Variants in BRWD3 observed in about 807,000 individuals in gnomAD.
BRWD3 encodes the protein bromodomain and WD repeat-containing protein 3.
In BRWD3, 10 loss-of-function variants were observed where a neutral mutation model predicts 149.7. The observed-to-expected ratio is 0.07, with a 90% confidence interval of 0.04 to 0.11. BRWD3 has a LOEUF of 0.11. Ranked by LOEUF, BRWD3 falls within the 10% of genes least tolerant of loss-of-function variation. The pLI is 1.00. For missense variants in BRWD3, 940 were observed against 1,373.2 expected, an observed-to-expected ratio of 0.68 and a Z score of 4.99; for synonymous variants, 504 against 456.7, an observed-to-expected ratio of 1.10 and a Z score of -1.32.
Position 80,789,350 on chromosome X carries a change from T to A in BRWD3, c.430+2504A>T, listed in dbSNP as rs768623056. Among the ~76,000 whole-genome samples, 8 of 112,642 alleles carry A rather than the reference T, an allele frequency of 7.1e-5. No individual in the cohort carries two copies. The East Asian group carries it at 2.2e-3, about 31-fold the overall frequency. ...CTGTTTCCAGGATCTTAATAGATAT[T>A]CTGGAAAGAGTTTCCATGCTTAAAT... is the stretch of plus-strand genomic sequence containing the variant. On this transcript the variant is annotated intron_variant, in intron 6 of 40. Coordinates refer to ENST00000373275, the MANE Select transcript of BRWD3 (RefSeq NM_153252.5).
intron 6 of BRWD3, among the ~76,000 whole-genome samples, chrX:80,765,414 G>T (rs2073847060): frequency 9.0e-6 from 1 of 111,679 alleles, no homozygotes; most frequent in Non-Finnish European, 1.9e-5. Context: ...ATACAAGGCT[G>T]GTGATTAACA....
chrX:80,729,052 G>A, intron 13 of BRWD3, 147 bp from the exon 14 acceptor site: 1 of 499,335 alleles, frequency 2.0e-6, no homozygotes, highest in Admixed American at 3.7e-5. Context: ...ATTCATGAAA[G>A]AAAAAAATAA....
chrX:80,767,122 C>T (rs1043421532), intron 6 of BRWD3, among the ~76,000 whole-genome samples: 7 of 112,084 alleles, frequency 6.2e-5, no homozygotes, highest in African/African-American at 1.9e-4. Context: ...TTGAACTGGG[C>T]GGAGCCCACC....
intron 20 of BRWD3, among the ~76,000 whole-genome samples, chrX:80,712,954 AC>A (rs775433900): frequency 1.0e-5 from 1 of 98,779 alleles, no homozygotes; most frequent in South Asian, 5.0e-4. Flanking sequence ...TCCGCCCGGC[AC>A]CCACCCCGTC....
intron 12 of BRWD3, among the ~76,000 whole-genome samples, chrX:80,731,569 A>C (rs984147687): frequency 9.0e-6 from 1 of 111,377 alleles, no homozygotes; most frequent in Non-Finnish European, 1.9e-5. Flanking sequence ...GCTGTCAAAA[A>C]ATTATTTAAA....
intron 6 of BRWD3, among the ~76,000 whole-genome samples, chrX:80,762,052 T>TA (rs891470908): frequency 5.4e-5 from 6 of 110,746 alleles, no homozygotes; most frequent in South Asian, 7.5e-4. Context: ...ATTCTCAAGA[T>TA]AAAAAAATGC....
chrX:80,741,189 A>T (rs1168336061), intron 8 of BRWD3, among the ~76,000 whole-genome samples: 1 of 110,956 alleles, frequency 9.0e-6, no homozygotes, highest in Non-Finnish European at 1.9e-5. Flanking sequence ...GATAGTTTGC[A>T]GAGAATGATG....
intron 15 of BRWD3, 38 bp downstream of exon 15, chrX:80,724,895 G>T (rs2073196157): frequency 8.3e-7 from 1 of 1,202,058 alleles, no homozygotes; most frequent in Non-Finnish European, 1.1e-6. Context: ...AGAGAAGTTG[G>T]TTTTAATGTG....
At chrX:80,764,240 G>A (rs2073832952) in intron 6 of BRWD3, among the ~76,000 whole-genome samples, 1 of 111,949 alleles carries the variant, frequency 8.9e-6, no homozygotes, top group African/African-American at 3.2e-5. Context: ...ATTAAATTAA[G>A]GCATTAAACT....
chrX:80,706,595 G>A (rs756592599), intron 22 of BRWD3, among the ~76,000 whole-genome samples: 37 of 112,125 alleles, frequency 3.3e-4, no homozygotes, highest in African/African-American at 1.1e-3. Context: ...AAGGTATTCA[G>A]AGACAAAAAC....
chrX:80,684,799 C>T (rs2072499234), intron 36 of BRWD3, among the ~76,000 whole-genome samples: 2 of 110,915 alleles, frequency 1.8e-5, no homozygotes, highest in African/African-American at 6.6e-5. Context: ...GATGGAGTTA[C>T]ATCTGATATT....
chrX:80,770,900 A>G (rs2073936388), intron 6 of BRWD3, among the ~76,000 whole-genome samples: 1 of 112,134 alleles, frequency 8.9e-6, no homozygotes, highest in Non-Finnish European at 1.9e-5. Context: ...CAACTTCAGC[A>G]AAGTCTCAGG....
chrX:80,759,627 T>C (rs990974405), intron 6 of BRWD3, among the ~76,000 whole-genome samples: 1 of 112,169 alleles, frequency 8.9e-6, no homozygotes, highest in Non-Finnish European at 1.9e-5. Context: ...ATAAAATCTA[T>C]GGGTTCTTTC....
At chrX:80,692,224 A>G in intron 28 of BRWD3, 74 bp from the exon 29 acceptor site, 2 of 967,973 alleles carry the variant, frequency 2.1e-6, no homozygotes, top group South Asian at 2.0e-5. Flanking sequence ...ACAATTTTAC[A>G]TGACTTCTTG....
chrX:80,741,592 G>A (rs1365733776), intron 8 of BRWD3, among the ~76,000 whole-genome samples: 1 of 111,593 alleles, frequency 9.0e-6, no homozygotes, highest in Non-Finnish European at 1.9e-5. Context: ...ACTTTTTAAT[G>A]ATTGCCATTC....
chrX:80,788,982 T>C (rs1274769749), intron 6 of BRWD3, among the ~76,000 whole-genome samples: 1 of 112,301 alleles, frequency 8.9e-6, no homozygotes, highest in East Asian at 2.8e-4. Flanking sequence ...TATTTTATTG[T>C]AGTGGTGGTT....
At chrX:80,797,945 A>T (rs1294727957) in intron 4 of BRWD3, among the ~76,000 whole-genome samples, 1 of 109,534 alleles carries the variant, frequency 9.1e-6, no homozygotes, top group Non-Finnish European at 1.9e-5. Context: ...AATACAAAAA[A>T]TTAGCTGGGT....
At chrX:80,808,431 C>T (rs372645356) in intron 4 of BRWD3, 108 bp downstream of exon 4, 2 of 604,701 alleles carry the variant, frequency 3.3e-6, no homozygotes, top group Non-Finnish European at 5.3e-6. Flanking sequence ...GGCTCTGCAC[C>T]GAGCTCTAGA....
At chrX:80,697,436 G>GT (rs2072716648) in intron 25 of BRWD3, among the ~76,000 whole-genome samples, 1 of 111,094 alleles carries the variant, frequency 9.0e-6, no homozygotes, top group African/African-American at 3.3e-5. Context: ...AGTAACCACT[G>GT]TAACAAATAG....
Sources: allele counts gnomAD v4.1 joint callset (sites outside exome capture counted in the v4.1 genomes callset), GRCh38; gene constraint gnomAD v4.1.1; transcripts MANE v1.5; gene names NCBI Gene and HGNC (gene_info 2026-07-23, HGNC 2026-07-21).